The following USP35 variants were observed in gnomAD, a reference collection of about 807,000 sequenced individuals.
USP35 encodes the protein ubiquitin carboxyl-terminal hydrolase 35.
In USP35, 69 loss-of-function variants were observed where a neutral mutation model predicts 83.8. That is an observed-to-expected ratio of 0.82 (90% confidence interval 0.68 to 1.01). The LOEUF (loss-of-function observed/expected upper bound fraction) is 1.01. Ranked by LOEUF, USP35 falls within the 50% of genes least tolerant of loss-of-function variation. USP35 has a pLI of 0.00. For missense variants in USP35, 1,503 were observed against 1,362.5 expected, an observed-to-expected ratio of 1.10 and a Z score of -1.62; for synonymous variants, 714 against 589.5, an observed-to-expected ratio of 1.21 and a Z score of -3.06.
chr11:78,202,524 A>G (rs980109941), intron 6 of USP35, among the ~76,000 whole-genome samples: 3 of 152,216 alleles, frequency 2.0e-5, no homozygotes, highest in Non-Finnish European at 4.4e-5. Context: ...ATCAGGCCAT[A>G]AAGGTAAAGT....
At chr11:78,202,085 G>T (rs1863376025) in intron 6 of USP35, among the ~76,000 whole-genome samples, 1 of 152,216 alleles carries the variant, frequency 6.6e-6, no homozygotes, top group Non-Finnish European at 1.5e-5. Context: ...AGAGATAACT[G>T]AATTCCAGAG....
chr11:78,194,393 T>G (rs1590894629), intron 1 of USP35, among the ~76,000 whole-genome samples: 1 of 152,194 alleles, frequency 6.6e-6, no homozygotes, highest in Admixed American at 6.5e-5. Context: ...AATAAAACTT[T>G]CCAGCTTATT....
chr11:78,223,445 G>C, the USP35 span: 3 of 1,578,494 alleles, frequency 1.9e-6, no homozygotes, highest in Non-Finnish European at 2.6e-6. Context: ...CGGTTGACAG[G>C]GGGTGGCTGA....
At chr11:78,207,705 C>A in intron 8 of USP35, 82 bp downstream of exon 8, 1 of 1,392,008 alleles carries the variant, frequency 7.2e-7, no homozygotes, top group Non-Finnish European at 1.0e-6. Context: ...TTCCCCAGGA[C>A]CTGCCTGCAT....
chr11:78,215,504 C>G (rs752449609), downstream of USP35: 2 of 152,628 alleles, frequency 1.3e-5, no homozygotes, highest in African/African-American at 4.8e-5. Context: ...TAGGCACCAA[C>G]AGTGATTTGA....
intron 1 of USP35, among the ~76,000 whole-genome samples, chr11:78,189,487 G>T (rs777372506): frequency 1.3e-5 from 2 of 152,216 alleles, no homozygotes; most frequent in Non-Finnish European, 2.9e-5. Context: ...GCACTGGAGG[G>T]AGGGAGGTGG....
chr11:78,231,336 G>GGC, the USP35 span, among the ~76,000 whole-genome samples: 1 of 145,796 alleles, frequency 6.9e-6, no homozygotes. Flanking sequence ...GCGCGTGTGT[G>GGC]GTGTGTGTGT....
At position 78,209,971 on chromosome 11, in the gene USP35, AG is replaced by A; in HGVS notation, c.2119del (p.Glu707ArgfsTer68). The stretch of plus-strand genomic sequence containing the variant: ...GGAAAGCACCAGAGGGGAAGGAGAG[AG>A]GGAGAAAGAGGAGGAGGTGGAAGAG... ...EEESTRGEGE[R>X]EKEEEVEEEE... is the part of the protein sequence containing the mutation. On this transcript the variant is annotated frameshift_variant, in exon 10 of 11. Coordinates refer to ENST00000529308, the MANE Select transcript of USP35 (RefSeq NM_020798.4). LOFTEE classifies it high-confidence loss of function. 2 of 1,612,004 alleles carry A rather than the reference AG, an allele frequency of 1.2e-6. No homozygotes were observed. Among genetic ancestry groups the A allele is most frequent in the Non-Finnish European group, 1.7e-6 (2 of 1,179,108 alleles).
At chr11:78,206,948 T>C (rs1359079018) in intron 7 of USP35, among the ~76,000 whole-genome samples, 1 of 152,182 alleles carries the variant, frequency 6.6e-6, no homozygotes, top group Non-Finnish European at 1.5e-5. Context: ...AAGGGTCCTC[T>C]TCGTTTAGCG....
At position 78,200,906 on chromosome 11, in the gene USP35, G is replaced by A. The variant is rs557864147; in HGVS notation, c.1197+98G>A. On this transcript the variant is annotated intron_variant, in intron 6 of 10. Coordinates refer to ENST00000529308, the MANE Select transcript of USP35 (RefSeq NM_020798.4). ...ATACCACAGCTTGGTGGCAGTCCCC[G>A]TCATTTGGTGCCTGGCTGTCTCCCA... 1.7e-5 allele frequency: 25 copies of A among 1,470,498 alleles called. No homozygotes were observed. The East Asian group carries it at 3.8e-4, about 22-fold the overall frequency. 91.1% of individuals were successfully genotyped at this position (1,470,498 alleles called of 1,614,324 possible).
the USP35 span, chr11:78,222,132 G>A: frequency 6.2e-7 from 1 of 1,613,506 alleles, no homozygotes; most frequent in Non-Finnish European, 8.5e-7. Context: ...CTTGGTGATA[G>A]GTGACTTGAA....
intron 10 of USP35, among the ~76,000 whole-genome samples, chr11:78,212,579 G>GT (rs1863829310): frequency 6.6e-6 from 1 of 152,116 alleles, no homozygotes; most frequent in African/African-American, 2.4e-5. Flanking sequence ...AGCATGGAAT[G>GT]TTTTTCCATT....
In USP35 at chr11:78,196,606, T is replaced by A; in HGVS notation, c.361T>A (p.Phe121Ile). The change falls in exon 2 of 11, where the codon TTC becomes ATC. Residue 121 changes from phenylalanine to isoleucine, a missense_variant. Transcript: ENST00000529308. This position sits in a 1 kb window ranked among gnomAD's most constrained non-coding sequence, Gnocchi z 4.8. ...CGAGGGGCCTGCGGCCGACGAGGTG[T>A]TCGCGCTGCTGCGGCGCGAGGTGCT... ...LPEGPAADEV[F>I]ALLRREVLRT... The A allele has an allele frequency of 7.8e-7, 1 of 1,278,930 alleles. No homozygotes were observed. Among genetic ancestry groups the A allele is most frequent in the Non-Finnish European group, 9.9e-7 (1 of 1,014,252 alleles). The allele number at this position is 1,278,930 out of a possible 1,614,324, so 79.2% of individuals were successfully genotyped here.
chr11:78,198,665 G>T, intron 3 of USP35: 1 of 985,352 alleles, frequency 1.0e-6, no homozygotes, highest in Non-Finnish European at 1.2e-6. Flanking sequence ...CACCGTCTTC[G>T]TAGGGCCTTC....
At chr11:78,228,036 G>C in the USP35 span, among the ~76,000 whole-genome samples, 826 of 152,300 alleles carry the variant, frequency 5.4e-3, 8 homozygotes, top group African/African-American at 0.019. Context: ...GCAGTAAAAA[G>C]AGAAGAGAAA....
At chr11:78,223,311 A>T in the USP35 span, 3 of 960,084 alleles carry the variant, frequency 3.1e-6, no homozygotes, top group Non-Finnish European at 4.5e-6. Context: ...GATTTGCCCC[A>T]AGTCACACCT....
In USP35 at chr11:78,209,847, C is replaced by T. The variant is rs771254019; in HGVS notation, c.1992C>T (p.Ser664=). The T allele has an allele frequency of 6.2e-7, 1 of 1,612,730 alleles. No homozygotes were observed. Among genetic ancestry groups the T allele is most frequent in the Non-Finnish European group, 8.5e-7 (1 of 1,179,426 alleles). ...PTSLYIEGLD[S]KEAGGQSSQE... ...GCCTGTACATCGAAGGCCTGGACTC[C>T]AAGGAAGCTGGTGGGCAGAGCAGTC... The change falls in exon 10 of 11, where the codon TCC becomes TCT. Residue 664 remains serine, a synonymous_variant. Coordinates refer to ENST00000529308, the MANE Select transcript of USP35 (RefSeq NM_020798.4).
At chr11:78,222,916 G>A in the USP35 span, among the ~76,000 whole-genome samples, 1 of 152,174 alleles carries the variant, frequency 6.6e-6, no homozygotes, top group Non-Finnish European at 1.5e-5. Flanking sequence ...AAGTATAGAT[G>A]GTCACCGTGA....
chr11:78,200,587 C>G (rs1029947425), intron 5 of USP35, 63 bp from the exon 6 acceptor site: 13 of 1,547,788 alleles, frequency 8.4e-6, no homozygotes, highest in Non-Finnish European at 4.4e-6. Flanking sequence ...TCAGCAGGGA[C>G]CACAGCCCCG....
Sources: gnomAD v4.1 joint callset for allele counts (sites outside exome capture counted in the v4.1 genomes callset) on GRCh38, gnomAD v4.1.1 for gene constraint, Gnocchi (gnomAD v3.1) non-coding constraint, MANE v1.5 for transcripts, NCBI Gene and HGNC (gene_info 2026-07-23, HGNC 2026-07-21) for gene names.